The following TLK1 variants were observed in gnomAD, a reference collection of about 807,000 sequenced individuals.
TLK1 encodes the protein tousled like kinase 1, also known as serine/threonine-protein kinase tousled-like 1.
Under a neutral mutation model 105.3 loss-of-function variants are expected in TLK1, and 24 were observed. That is an observed-to-expected ratio of 0.23 (90% confidence interval 0.17 to 0.32). The LOEUF is 0.32. Ranked by LOEUF, TLK1 falls within the 10% of genes least tolerant of loss-of-function variation. The pLI is 1.00. For missense variants in TLK1, 558 were observed against 910.5 expected (o/e 0.61, Z 4.98); for synonymous variants, 321 against 310.4 (o/e 1.03, Z -0.36).
chr2:171,136,056 T>G (rs1691308830), intron 1 of TLK1, among the ~76,000 whole-genome samples: 1 of 152,056 alleles, frequency 6.6e-6, no homozygotes, highest in African/African-American at 2.4e-5. Flanking sequence ...ACCCAAGAAG[T>G]GGAAGCAACC....
intron 1 of TLK1, among the ~76,000 whole-genome samples, chr2:171,138,833 T>C (rs1333184256): frequency 4.6e-5 from 7 of 152,212 alleles, no homozygotes; most frequent in African/African-American, 1.7e-4. Context: ...GGTTCATATG[T>C]ATGTTGCTAG....
chr2:171,133,416 G>C (rs1204524246), intron 1 of TLK1, among the ~76,000 whole-genome samples: 1 of 152,086 alleles, frequency 6.6e-6, no homozygotes, highest in Non-Finnish European at 1.5e-5. Context: ...GGCCAACATG[G>C]GGAAACCCTG....
At chr2:171,215,967 T>C (rs1054405899) in intron 1 of TLK1, among the ~76,000 whole-genome samples, 1 of 152,232 alleles carries the variant, frequency 6.6e-6, no homozygotes, top group African/African-American at 2.4e-5. Flanking sequence ...AAGATTCTCT[T>C]TGTGCCAGGC....
At position 170,993,833 on chromosome 2, in the gene TLK1, C is replaced by A. The variant is rs1309816188; in HGVS notation, c.2248G>T (p.Ala750Ser). ...GGTGTAGGGGATGCTGTCAGCCCAG[C>A]CATGTGTAGGTTTCCTGAAGAATTT... ...RSNSSGNLHMAGLTASPTPPS... is the reference protein window; with the variant it reads ...RSNSSGNLHMSGLTASPTPPS... Residue 750 changes from alanine (A) to serine (S), a missense_variant, in exon 21 of 21, where the codon GCT (alanine) becomes TCT (serine). By Grantham distance (99) the Ala-to-Ser change is moderately conservative. Around this residue, in one of 5 missense-constraint regions of TLK1, gnomAD observed 27 missense variants for 22.5 expected, o/e 1.20. Transcript: ENST00000431350. 7.4e-6 allele frequency: 12 copies of A among 1,612,076 alleles called. No homozygotes were observed. The highest frequency in any genetic ancestry group is 1.0e-5 in the Non-Finnish European group (12 of 1,179,220).
chr2:171,112,761 T>C (rs562431585), intron 2 of TLK1, among the ~76,000 whole-genome samples: 6 of 151,912 alleles, frequency 3.9e-5, no homozygotes, highest in Non-Finnish European at 5.9e-5. Context: ...ATTAAAAGCA[T>C]CCTAAGCCAG....
chr2:171,030,145 C>A (rs190212187), intron 11 of TLK1, among the ~76,000 whole-genome samples: 1 of 152,204 alleles, frequency 6.6e-6, no homozygotes, highest in Non-Finnish European at 1.5e-5. Context: ...AAGCTCCTAA[C>A]TCAGGTGTGA....
Position 171,025,404 on chromosome 2 carries a change from A to G in TLK1, c.1236+2935T>C, listed in dbSNP as rs1279920787. Among the ~76,000 whole-genome samples, 3 of 152,192 alleles carry G rather than the reference A, an allele frequency of 2.0e-5. No individual in the cohort carries two copies. In the East Asian group the frequency reaches 5.8e-4, roughly 29 times the overall value. On this transcript the variant is annotated intron_variant, in intron 12 of 20. Transcript: ENST00000431350. The stretch of plus-strand genomic sequence containing the variant: ...TGAACTTTGGTCCTTCAGTGCTAAG[A>G]AAGTTAGTCTAATAATTAGTTCTGC...
chr2:171,082,728 G>C, intron 3 of TLK1, 53 bp downstream of exon 3: 1 of 1,335,936 alleles, frequency 7.5e-7, no homozygotes, highest in Non-Finnish European at 1.1e-6. Context: ...TAATTAAAAC[G>C]GTGATTCCAG....
At position 171,086,190 on chromosome 2, in the gene TLK1, G is replaced by C. The variant is rs1575585710; in HGVS notation, c.259-3338C>G. Among the ~76,000 whole-genome samples the C allele has an allele frequency of 3.3e-5, 5 of 152,174 alleles. No homozygotes were observed. In the South Asian group the frequency reaches 1.0e-3, roughly 32 times the overall value. On this transcript the variant is annotated intron_variant, in intron 2 of 20. Transcript: ENST00000431350. ...TAAAAATATAAGTAGGTAGGTAGAT[G>C]AATAAGATTCCACCACCAGTAAAAA... is the stretch of plus-strand genomic sequence containing the variant.
chr2:171,177,459 C>G (rs1450464958), intron 1 of TLK1, among the ~76,000 whole-genome samples: 1 of 151,826 alleles, frequency 6.6e-6, no homozygotes, highest in Admixed American at 6.6e-5. Context: ...AGCTGTTCCT[C>G]AAACAGAACA....
chr2:171,002,663 C>T (rs1049906424), intron 18 of TLK1, among the ~76,000 whole-genome samples: 1 of 151,950 alleles, frequency 6.6e-6, no homozygotes, highest in Non-Finnish European at 1.5e-5. Flanking sequence ...GACATGTTCT[C>T]ACTCTGTTAC....
intron 1 of TLK1, among the ~76,000 whole-genome samples, chr2:171,122,487 T>A (rs1690693398): frequency 6.6e-6 from 1 of 152,030 alleles, no homozygotes; most frequent in Admixed American, 6.6e-5. Context: ...CTTAACAAGA[T>A]CCCCAGTAAT....
chr2:171,204,031 G>A (rs1693453064), intron 1 of TLK1, among the ~76,000 whole-genome samples: 1 of 151,850 alleles, frequency 6.6e-6, no homozygotes, highest in African/African-American at 2.4e-5. Flanking sequence ...TCCAGCCTGG[G>A]TAACAGAGAG....
At chr2:171,133,469 G>A (rs2105561234) in intron 1 of TLK1, among the ~76,000 whole-genome samples, 1 of 152,150 alleles carries the variant, frequency 6.6e-6, no homozygotes, top group South Asian at 2.1e-4. Flanking sequence ...CTTGGTGGCA[G>A]GTGCCTGTAA....
chr2:171,194,260 G>A (rs906649844), intron 1 of TLK1, among the ~76,000 whole-genome samples: 2 of 152,086 alleles, frequency 1.3e-5, no homozygotes, highest in Non-Finnish European at 2.9e-5. Context: ...TGCCATTTGT[G>A]GACTGTACAA....
intron 12 of TLK1, chr2:171,023,033 G>C (rs1192335026): frequency 8.5e-6 from 4 of 470,614 alleles, no homozygotes; most frequent in Non-Finnish European, 1.8e-5. Context: ...TAATACTGAT[G>C]CTGCTGCTGC....
intron 1 of TLK1, among the ~76,000 whole-genome samples, chr2:171,187,382 G>A (rs945692321): frequency 6.6e-6 from 1 of 152,164 alleles, no homozygotes; most frequent in Non-Finnish European, 1.5e-5. Context: ...TAACTCAGGT[G>A]ACTCCCAAAG....
chr2:171,071,578 C>G (rs1299352749), intron 3 of TLK1, among the ~76,000 whole-genome samples: 1 of 152,120 alleles, frequency 6.6e-6, no homozygotes. Flanking sequence ...TGAGCCACCA[C>G]GCCTGACCCC....
chr2:171,010,625 C>CAAAAA (rs77995237), intron 14 of TLK1, among the ~76,000 whole-genome samples: 2 of 94,474 alleles, frequency 2.1e-5, no homozygotes, highest in African/African-American at 7.0e-5. Flanking sequence ...ACATAAAGTA[C>CAAAAA]AAAAAAAAAA....
Sources: allele counts gnomAD v4.1 joint callset (sites outside exome capture counted in the v4.1 genomes callset), GRCh38; gene constraint gnomAD v4.1.1; regional missense constraint gnomAD v4.1.1; transcripts MANE v1.5; gene names NCBI Gene and HGNC (gene_info 2026-07-23, HGNC 2026-07-21).